WWOX: variants seen among roughly 807,000 people sequenced by gnomAD.
The protein encoded by WWOX is WW domain containing oxidoreductase, also known as WW domain-containing oxidoreductase.
WWOX carries 69 observed loss-of-function variants against 46.2 expected under a neutral mutation model. That is an observed-to-expected ratio of 1.49 (90% confidence interval 1.23 to 1.82). The LOEUF is 1.82. Among genes scored for constraint, WWOX ranks in the 40% most tolerant of loss-of-function variants. The probability of loss-of-function intolerance (pLI) is 0.00; values close to 1 mark genes in which losing one functional copy is unlikely to be tolerated. For missense variants in WWOX, 919 were observed against 542.6 expected, an observed-to-expected ratio of 1.69 and a Z score of -6.89; for synonymous variants, 359 against 202.6, an observed-to-expected ratio of 1.77 and a Z score of -6.56.
Position 79,095,266 on chromosome 16 carries a change from A to G in WWOX, c.1057-116342A>G, listed in dbSNP as rs1011534863. Among the ~76,000 whole-genome samples, 3 of 152,306 alleles carry G rather than the reference A, an allele frequency of 2.0e-5. No individual in the cohort carries two copies. The East Asian group carries it at 5.8e-4, about 29-fold the overall frequency. ...TTTATTTAGCGGGAGAAGACAGAAG[A>G]GATGGAAAAATGGACCCTGCATTTA... is the stretch of plus-strand genomic sequence containing the variant. On this transcript the variant is annotated intron_variant, in intron 8 of 8. Coordinates refer to ENST00000566780, the MANE Select transcript of WWOX (RefSeq NM_016373.4).
At chr16:78,495,352 G>C (rs2084890158) in intron 8 of WWOX, among the ~76,000 whole-genome samples, 1 of 151,904 alleles carries the variant, frequency 6.6e-6, no homozygotes, top group Non-Finnish European at 1.5e-5. Context: ...TGTTAGCCAG[G>C]CTGGTCTCGA....
intron 5 of WWOX, among the ~76,000 whole-genome samples, chr16:78,319,144 C>T (rs1049346880): frequency 4.6e-5 from 7 of 152,040 alleles, no homozygotes; most frequent in Non-Finnish European, 7.4e-5. Context: ...AGGACACCGC[C>T]ACACATTGCT....
At chr16:78,493,728 C>T (rs4888809) in intron 8 of WWOX, among the ~76,000 whole-genome samples, 112,897 of 152,004 alleles carry the variant, frequency 0.74, 44,288 homozygotes, top group Admixed American at 0.86. Context: ...AACAGTCTTA[C>T]CCCCATTGTA....
intron 6 of WWOX, among the ~76,000 whole-genome samples, chr16:78,399,145 C>G (rs1369412734): frequency 1.3e-5 from 2 of 152,112 alleles, no homozygotes; most frequent in African/African-American, 4.8e-5. Context: ...GGGTGGCTGG[C>G]TGGCTAGATG....
rs1287575402 is a variant in WWOX at position 79,190,342 on chromosome 16, G to GA, written c.1057-21256dup. 2.0e-3 allele frequency among the ~76,000 whole-genome samples: 305 copies of GA among 149,228 alleles called. 2 individuals carry two copies. Among genetic ancestry groups the GA allele is most frequent in the East Asian group, 2.2e-3 (11 of 5,102 alleles). On this transcript the variant is annotated intron_variant, in intron 8 of 8. Coordinates refer to ENST00000566780, the MANE Select transcript of WWOX (RefSeq NM_016373.4). ...GCCCGGCCTCATATCCTTTTTTATG[G>GA]AAAAAAAAAATCGGGAATTAGCGTG...
intron 8 of WWOX, among the ~76,000 whole-genome samples, chr16:78,653,734 C>T (rs765225286): frequency 1.3e-5 from 2 of 152,220 alleles, no homozygotes; most frequent in Non-Finnish European, 2.9e-5. Context: ...TATGGGCCTC[C>T]TAACCCGAAC....
chr16:78,769,956 A>G (rs889047767), intron 8 of WWOX, among the ~76,000 whole-genome samples: 1 of 152,146 alleles, frequency 6.6e-6, no homozygotes, highest in Non-Finnish European at 1.5e-5. Flanking sequence ...AAGCAGGAGG[A>G]TCGCTTGAGC....
chr16:78,196,208 A>G (rs1597339532), intron 5 of WWOX, among the ~76,000 whole-genome samples: 1 of 152,248 alleles, frequency 6.6e-6, no homozygotes, highest in East Asian at 1.9e-4. Flanking sequence ...ATCTACAATT[A>G]ATTTGAATGT....
chr16:78,777,623 T>G (rs2050223736), intron 8 of WWOX, among the ~76,000 whole-genome samples: 1 of 152,132 alleles, frequency 6.6e-6, no homozygotes, highest in Admixed American at 6.6e-5. Flanking sequence ...AGAAAGCTAA[T>G]TTTTGCAATA....
At chr16:78,766,601 A>C (rs190097833) in intron 8 of WWOX, among the ~76,000 whole-genome samples, 7 of 152,270 alleles carry the variant, frequency 4.6e-5, no homozygotes, top group African/African-American at 1.7e-4. Flanking sequence ...GTCTCTAAAA[A>C]AGAAAAACAT....
At chr16:78,701,758 C>T (rs1417074038) in intron 8 of WWOX, among the ~76,000 whole-genome samples, 2 of 151,918 alleles carry the variant, frequency 1.3e-5, no homozygotes, top group South Asian at 2.1e-4. Context: ...CCCAGTTAAG[C>T]AGTGGGCCCT....
At chr16:79,102,061 A>AGGGGGGGGGGGGGGG (rs1166708955) in intron 8 of WWOX, among the ~76,000 whole-genome samples, 1 of 7,442 alleles carries the variant, frequency 1.3e-4, no homozygotes, top group Admixed American at 1.6e-3. Context: ...AGTAGGGGGG[A>AGGGGGGGGGGGGGGG]GGGGGGGAGG....
chr16:78,316,423 C>G (rs893486533), intron 5 of WWOX, among the ~76,000 whole-genome samples: 2 of 152,068 alleles, frequency 1.3e-5, no homozygotes, highest in Admixed American at 1.3e-4. Flanking sequence ...TCACTGCAAC[C>G]TCCGACCCCC....
intron 5 of WWOX, among the ~76,000 whole-genome samples, chr16:78,352,022 G>T (rs1370286928): frequency 6.6e-6 from 1 of 152,172 alleles, no homozygotes; most frequent in Non-Finnish European, 1.5e-5. Context: ...GGGAGCAGTT[G>T]ATGATCCAGA....
intron 8 of WWOX, among the ~76,000 whole-genome samples, chr16:78,555,706 G>C (rs534279540): frequency 6.6e-6 from 1 of 151,814 alleles, no homozygotes; most frequent in East Asian, 1.9e-4. Flanking sequence ...CTGGAAGTAA[G>C]AAGCCCCTGC....
intron 8 of WWOX, among the ~76,000 whole-genome samples, chr16:78,642,736 G>C (rs1373705540): frequency 6.6e-6 from 1 of 152,126 alleles, no homozygotes; most frequent in Non-Finnish European, 1.5e-5. Flanking sequence ...GGCTGTGTGT[G>C]GGTGCACATC....
At chr16:79,063,063 A>C (rs937968202) in intron 8 of WWOX, among the ~76,000 whole-genome samples, 3 of 152,186 alleles carry the variant, frequency 2.0e-5, no homozygotes, top group Non-Finnish European at 4.4e-5. Context: ...ATAAACCATT[A>C]TACTGTTTGA....
intron 6 of WWOX, among the ~76,000 whole-genome samples, chr16:78,409,579 A>C (rs1234233458): frequency 6.6e-6 from 1 of 152,162 alleles, no homozygotes; most frequent in Non-Finnish European, 1.5e-5. Context: ...AACATACACT[A>C]TCTCACTCTG....
chr16:78,269,331 G>C (rs116586951), intron 5 of WWOX, among the ~76,000 whole-genome samples: 1 of 152,152 alleles, frequency 6.6e-6, no homozygotes, highest in East Asian at 1.9e-4. Flanking sequence ...CTGCAAACCC[G>C]GATAGACTGG....
Sources: gnomAD v4.1 joint callset for allele counts (sites outside exome capture counted in the v4.1 genomes callset) on GRCh38, gnomAD v4.1.1 for gene constraint, MANE v1.5 for transcripts, NCBI Gene and HGNC (gene_info 2026-07-23, HGNC 2026-07-21) for gene names.